The following PRR12 variants were observed in gnomAD, a reference collection of about 807,000 sequenced individuals.
The protein encoded by PRR12 is proline rich 12, also known as proline-rich protein 12.
PRR12 carries 12 observed loss-of-function variants against 138.0 expected under a neutral mutation model. The ratio of observed to expected loss-of-function variants is 0.09; its 90% CI spans 0.06 to 0.14. PRR12 has a LOEUF of 0.14. Ranked by LOEUF, PRR12 falls within the 10% of genes least tolerant of loss-of-function variation. The pLI, the probability that PRR12 is intolerant of heterozygous loss-of-function variation, is 1.00. For synonymous variants in PRR12, 1,567 were observed against 1,291.7 expected (o/e 1.21, Z -4.57); for missense variants, 2,692 against 2,861.3 (o/e 0.94, Z 1.35).
Position 49,615,744 on chromosome 19 carries a change from T to C in PRR12, c.5025-3T>C. On this transcript the variant is annotated splice_region_variant and splice_polypyrimidine_tract_variant and intron_variant, in intron 8 of 13. Coordinates refer to ENST00000418929, the MANE Select transcript of PRR12 (RefSeq NM_020719.3). ...CTACAGTCCCTTCTCTGTTCCCTTC[T>C]AGACGCTCTGGGCAGGCCAAGAACC... 1 of 1,611,638 alleles carries C rather than the reference T, an allele frequency of 6.2e-7. No individual in the cohort carries two copies. The highest frequency in any genetic ancestry group is 8.5e-7 in the Non-Finnish European group (1 of 1,178,828).
chr19:49,597,881 G>T lies in PRR12; in HGVS notation c.3546G>T (p.Pro1182=). Residue 1182 remains proline, a synonymous_variant, in exon 4 of 14, where the codon CCG becomes CCT. Coordinates refer to ENST00000418929, the MANE Select transcript of PRR12 (RefSeq NM_020719.3). The surrounding 1 kb of genome is among the most constrained non-coding windows in gnomAD (Gnocchi z 6.3). ...GRPRIRPLEV[P]TTAGPASAST... ...CCCGGATCCGCCCCCTGGAGGTCCC[G>T]ACCACTGCGGGGCCCGCCTCGGCCT... 1 of 1,443,596 alleles carries T rather than the reference G, an allele frequency of 6.9e-7. No homozygotes were observed. Among genetic ancestry groups the T allele is most frequent in the South Asian group, 1.5e-5 (1 of 67,754 alleles). The allele number at this position is 1,443,596 out of a possible 1,614,324, so 89.4% of individuals were successfully genotyped here.
rs2080726135 is a variant in PRR12, at chr19:49,591,555, A to G, written c.-100A>G. ...AGAGAGAGAGAAAAGGGGGGAAAAA[A>G]AAGCAGCAGCGGAGGGAGCGGCGGC... On this transcript the variant is annotated 5_prime_UTR_variant, in exon 1 of 14. Transcript: ENST00000418929. 2.9e-6 allele frequency: 2 copies of G among 680,862 alleles called. No individual in the cohort carries two copies. Among genetic ancestry groups the G allele is most frequent in the Non-Finnish European group, 4.4e-6 (2 of 453,388 alleles). The allele number at this position is 680,862 out of a possible 1,614,324, so 42.2% of individuals were successfully genotyped here.
In PRR12 at chr19:49,596,609, C is replaced by T. The variant is rs760210489; in HGVS notation, c.2274C>T (p.Ala758=). Residue 758 remains alanine, a synonymous_variant, in exon 4 of 14, where the codon GCC becomes GCT. Transcript: ENST00000418929. This position sits in a 1 kb window ranked among gnomAD's most constrained non-coding sequence, Gnocchi z 5.6. Reference sequence around the variant, plus strand: ...GGGCAGGCGCCAAGGAGCTGGGGGCCTTCTTGCAAAAGAGCCCTCCGCCCC... The same window carrying T: ...GGGCAGGCGCCAAGGAGCTGGGGGCTTTCTTGCAAAAGAGCCCTCCGCCCC... ...HYGAGAKELG[A]FLQKSPPPPP... 8.2e-6 allele frequency: 13 copies of T among 1,593,794 alleles called. No homozygotes were observed. The highest frequency in any genetic ancestry group is 7.0e-5 in the Admixed American group (4 of 57,360).
chr19:49,593,585 C>T (rs907474796), intron 2 of PRR12, 146 bp downstream of exon 2: 4 of 567,850 alleles, frequency 7.0e-6, no homozygotes, highest in South Asian at 4.2e-5. Context: ...GATTGGTTGC[C>T]TTTGAGGCTG....
rs575969173 is a variant in PRR12, at chr19:49,619,366, G to A, written c.5498-986G>A. ...TTCTCCTGCCTCAGCCTCCCGAGTC[G>A]CTGTGATTACAGGCACGCACCACCA... On this transcript the variant is annotated intron_variant, in intron 9 of 13. Transcript: ENST00000418929. Among the ~76,000 whole-genome samples, 20 of 150,426 alleles carry A rather than the reference G, an allele frequency of 1.3e-4. No homozygotes were observed. In the East Asian group the frequency reaches 2.7e-3, roughly 21 times the overall value.
chr19:49,599,536 C>T lies in PRR12; in HGVS notation c.3943C>T (p.Pro1315Ser), dbSNP rs766362975. Residue 1315 changes from proline (P) to serine (S), a missense_variant, in exon 5 of 14, where the codon CCC becomes TCC. Pro to Ser is a moderately conservative substitution (Grantham distance 74, BLOSUM62 -1). This residue lies in a region of PRR12 where 326 missense variants were observed against 344.2 expected (regional missense o/e 0.95). Coordinates refer to ENST00000418929, the MANE Select transcript of PRR12 (RefSeq NM_020719.3). The surrounding 1 kb of genome is among the most constrained non-coding windows in gnomAD (Gnocchi z 5.0). Reference protein sequence around the residue: ...PPLSPPKSVPPSVPARGLQPQ... With the variant: ...PPLSPPKSVPSSVPARGLQPQ... ...GCTCAGCCCTCCCAAGAGTGTGCCA[C>T]CCTCTGTGCCAGCCCGAGGCCTGCA... The T allele has an allele frequency of 2.5e-6, 4 of 1,596,812 alleles. No individual in the cohort carries two copies. The South Asian group carries it at 3.4e-5, about 13-fold the overall frequency.
At chr19:49,591,988 C>T (rs1410252479) in intron 1 of PRR12, among the ~76,000 whole-genome samples, 1 of 152,174 alleles carries the variant, frequency 6.6e-6, no homozygotes, top group African/African-American at 2.4e-5. Context: ...AAAACAATTT[C>T]GGACGGGAAG....
Position 49,620,446 on chromosome 19 carries a change from A to C in PRR12, c.5592A>C (p.Pro1864=). The C allele has an allele frequency of 6.3e-7, 1 of 1,579,988 alleles. No homozygotes were observed. Among genetic ancestry groups the C allele is most frequent in the South Asian group, 1.2e-5 (1 of 86,954 alleles). ...VEMLVSTALD[P]DMIQALEDTH... Reference sequence around the variant, plus strand: ...TGTTGGTGAGCACAGCACTTGACCCAGACATGATCCAGGCCCTGGAGGACA... The same window carrying C: ...TGTTGGTGAGCACAGCACTTGACCCCGACATGATCCAGGCCCTGGAGGACA... The change falls in exon 10 of 14, where the codon CCA becomes CCC. Residue 1864 remains proline, a synonymous_variant. Transcript: ENST00000418929.
intron 9 of PRR12, among the ~76,000 whole-genome samples, chr19:49,620,070 A>G (rs1369838094): frequency 2.0e-5 from 3 of 151,350 alleles, no homozygotes; most frequent in Admixed American, 1.3e-4. Context: ...CCAGGCTGGT[A>G]TCAAACTCCT....
intron 5 of PRR12, 134 bp downstream of exon 5, chr19:49,600,072 G>T: frequency 9.6e-7 from 1 of 1,037,002 alleles, no homozygotes; most frequent in South Asian, 1.8e-5. Flanking sequence ...TTTATGAAGG[G>T]ACTTTCCTGA....
chr19:49,593,895 C>G (rs904135506), intron 2 of PRR12, among the ~76,000 whole-genome samples: 5 of 152,262 alleles, frequency 3.3e-5, no homozygotes, highest in African/African-American at 4.8e-5. Flanking sequence ...GCCTTTGCCT[C>G]CAAGGTTTCT....
At chr19:49,602,684 T>C (rs953498882) in intron 6 of PRR12, among the ~76,000 whole-genome samples, 9 of 152,160 alleles carry the variant, frequency 5.9e-5, no homozygotes, top group Non-Finnish European at 1.2e-4. Flanking sequence ...CCCAACTATC[T>C]GGGACTACAG....
In PRR12 at chr19:49,599,325, T is replaced by C. The variant is rs373760349; in HGVS notation, c.3732T>C (p.Asp1244=). The change falls in exon 5 of 14, where the codon GAT becomes GAC. Residue 1244 remains aspartate, a synonymous_variant. Coordinates refer to ENST00000418929, the MANE Select transcript of PRR12 (RefSeq NM_020719.3). This position sits in a 1 kb window ranked among gnomAD's most constrained non-coding sequence, Gnocchi z 5.0. ...AGGGTCTGGGAACCTCATCGGGTGA[T>C]GCCATATCAGGCACTGACCACAACA... ...AGEGLGTSSG[D]AISGTDHNSL... is the part of the protein sequence containing the mutation. 1.9e-6 allele frequency: 3 copies of C among 1,613,132 alleles called. No homozygotes were observed. The highest frequency in any genetic ancestry group is 1.7e-4 in the Middle Eastern group (1 of 6,058).
chr19:49,619,393 AC>A (rs1171745528), intron 9 of PRR12, among the ~76,000 whole-genome samples: 1 of 144,188 alleles, frequency 6.9e-6, no homozygotes, highest in African/African-American at 2.6e-5. Flanking sequence ...GCACCACCAC[AC>A]CCGGCTAATT....
intron 1 of PRR12, 53 bp from the exon 2 acceptor site, chr19:49,593,274 C>T: frequency 1.1e-6 from 1 of 914,040 alleles, no homozygotes; most frequent in South Asian, 1.5e-5. Context: ...TCTGAGCTTC[C>T]TTCTCAGAAG....
Position 49,595,466 on chromosome 19 carries a change from T to C in PRR12, c.1131T>C (p.Gly377=). 6.5e-7 allele frequency: 1 copy of C among 1,549,348 alleles called. No homozygotes were observed. Among genetic ancestry groups the C allele is most frequent in the Non-Finnish European group, 8.7e-7 (1 of 1,147,420 alleles). Residue 377 remains glycine, a synonymous_variant, in exon 4 of 14, where the codon GGT becomes GGC. Coordinates refer to ENST00000418929, the MANE Select transcript of PRR12 (RefSeq NM_020719.3). ...GGGGCGGTGGGGCTGGGGGTGGTGG[T>C]GGAGGTTACCGCCCCATCATTCAGT... ...AAGGGGAGGG[G]GGYRPIIQSP...
rs1555742564 is a variant in PRR12 at position 49,607,361 on chromosome 19, G to GCGCGCACACACACACACACACA, written c.4773+5444_4773+5445insGCGCACACACACACACACACAC. On this transcript the variant is annotated intron_variant, in intron 6 of 13. Coordinates refer to ENST00000418929, the MANE Select transcript of PRR12 (RefSeq NM_020719.3). ...GAGTGAGCCTCTGTCATGTACGTGT[G>GCGCGCACACACACACACACACA]CACACACACACACACACACAGAGTT... Among the ~76,000 whole-genome samples, 78 of 147,864 alleles carry GCGCGCACACACACACACACACA rather than the reference G, an allele frequency of 5.3e-4. No individual in the cohort carries two copies. The South Asian group carries it at 7.9e-3, about 15-fold the overall frequency.
chr19:49,593,698 C>G (rs972639448), intron 2 of PRR12, among the ~76,000 whole-genome samples: 3 of 152,162 alleles, frequency 2.0e-5, no homozygotes, highest in Non-Finnish European at 2.9e-5. Flanking sequence ...ATCCCACCTT[C>G]TCTTCCAGGC....
rs1473873369 is a variant in PRR12, at chr19:49,595,377, A to G, written c.1042A>G (p.Lys348Glu). Residue 348 changes from lysine (K) to glutamate (E), a missense_variant, in exon 4 of 14, where the codon AAG becomes GAG. Around this residue, in one of 11 missense-constraint regions of PRR12, gnomAD observed 523 missense variants for 496.4 expected, o/e 1.05. Coordinates refer to ENST00000418929, the MANE Select transcript of PRR12 (RefSeq NM_020719.3). ...EPSPGAGEPS[K>E]AGPSGATAGA... is the part of the protein sequence containing the mutation. ...CTCCCCGGGTGCTGGGGAGCCTAGC[A>G]AGGCTGGTCCCAGCGGAGCCACGGC... The G allele has an allele frequency of 6.5e-7, 1 of 1,541,142 alleles. No homozygotes were observed. Among genetic ancestry groups the G allele is most frequent in the Non-Finnish European group, 8.7e-7 (1 of 1,142,888 alleles).
Sources: gnomAD v4.1 joint callset for allele counts (sites outside exome capture counted in the v4.1 genomes callset) on GRCh38, gnomAD v4.1.1 for gene constraint, gnomAD v4.1.1 regional missense constraint, Gnocchi (gnomAD v3.1) non-coding constraint, MANE v1.5 for transcripts, NCBI Gene and HGNC (gene_info 2026-07-23, HGNC 2026-07-21) for gene names.